The following GATAD2A variants were observed in gnomAD, a reference collection of about 807,000 sequenced individuals.
GATAD2A encodes transcriptional repressor p66-alpha.
In GATAD2A, 12 loss-of-function variants were observed where a neutral mutation model predicts 68.5. The observed-to-expected ratio is 0.18, with a 90% CI of 0.11 to 0.28. The LOEUF (loss-of-function observed/expected upper bound fraction) is 0.28. Among genes scored for constraint, GATAD2A ranks in the 10% least tolerant of loss-of-function variants. The probability of loss-of-function intolerance (pLI) is 1.00; values close to 1 mark genes in which losing one functional copy is unlikely to be tolerated. For synonymous variants in GATAD2A, 410 were observed against 375.3 expected, an observed-to-expected ratio of 1.09 and a Z score of -1.07; for missense variants, 755 against 868.5, an observed-to-expected ratio of 0.87 and a Z score of 1.64.
At chr19:19,423,621 G>A (rs930437192) in intron 1 of GATAD2A, among the ~76,000 whole-genome samples, 1 of 152,216 alleles carries the variant, frequency 6.6e-6, no homozygotes, top group African/African-American at 2.4e-5. Context: ...AGAATTTACC[G>A]AATTGACTGT....
intron 1 of GATAD2A, among the ~76,000 whole-genome samples, chr19:19,451,040 T>C (rs999026398): frequency 6.6e-6 from 1 of 151,166 alleles, no homozygotes; most frequent in African/African-American, 2.4e-5. Flanking sequence ...AAAATGCTGA[T>C]ATTATAGGCG....
At chr19:19,500,077 G>C (rs1322927748) in intron 8 of GATAD2A, among the ~76,000 whole-genome samples, 1 of 152,248 alleles carries the variant, frequency 6.6e-6, no homozygotes, top group African/African-American at 2.4e-5. Context: ...GTCTGTCTCT[G>C]CCGTTCCCTC....
intron 1 of GATAD2A, among the ~76,000 whole-genome samples, chr19:19,416,496 G>C (rs1197098912): frequency 1.3e-5 from 2 of 152,312 alleles, no homozygotes; most frequent in Non-Finnish European, 2.9e-5. Context: ...TTACTTTCCA[G>C]AGATGAGATC....
chr19:19,411,865 TATA>T (rs2147122577), intron 1 of GATAD2A, among the ~76,000 whole-genome samples: 1 of 152,310 alleles, frequency 6.6e-6, no homozygotes, highest in Admixed American at 6.5e-5. Context: ...AGTTATCACA[TATA>T]ATGTAACACT....
At chr19:19,419,015 C>T (rs1339293558) in intron 1 of GATAD2A, among the ~76,000 whole-genome samples, 2 of 152,118 alleles carry the variant, frequency 1.3e-5, no homozygotes, top group African/African-American at 4.8e-5. Context: ...CAAAAGGCCT[C>T]CTAGCTGGGC....
chr19:19,432,273 C>T (rs1456330818), intron 1 of GATAD2A, among the ~76,000 whole-genome samples: 1 of 152,072 alleles, frequency 6.6e-6, no homozygotes, highest in African/African-American at 2.4e-5. Flanking sequence ...CTGTGCTTGA[C>T]AGTGGTTTTT....
chr19:19,502,603 C>T (rs1319930546), intron 11 of GATAD2A, 77 bp downstream of exon 11: 6 of 1,177,574 alleles, frequency 5.1e-6, no homozygotes, highest in African/African-American at 4.6e-5. Flanking sequence ...AACAGAGGCA[C>T]ATGTGCAGCG....
intron 1 of GATAD2A, among the ~76,000 whole-genome samples, chr19:19,411,251 G>A (rs925116017): frequency 1.7e-4 from 26 of 152,318 alleles, no homozygotes; most frequent in Admixed American, 1.6e-3. Context: ...GATTTCAGAC[G>A]TTGTCTATTT....
intron 11 of GATAD2A, among the ~76,000 whole-genome samples, chr19:19,503,779 C>T (rs1044219535): frequency 1.3e-5 from 2 of 152,030 alleles, no homozygotes; most frequent in South Asian, 2.1e-4. Flanking sequence ...AGAGTTACCA[C>T]GGGGGTTTTG....
In GATAD2A at chr19:19,505,550, A is replaced by C. The variant is rs1217434042; in HGVS notation, c.*76A>C. The stretch of plus-strand genomic sequence containing the variant: ...CTGGTCTAGAAGGACCCACTGCACC[A>C]CCCTCCGCTGGCTCGGGAAGACACC... On this transcript the variant is annotated 3_prime_UTR_variant, in exon 12 of 12. Transcript: ENST00000683918. The C allele has an allele frequency of 1.2e-5, 16 of 1,320,812 alleles. No individual in the cohort carries two copies. The highest frequency in any genetic ancestry group is 3.9e-4 in the Middle Eastern group (2 of 5,148). 81.8% of individuals were successfully genotyped at this position (1,320,812 alleles called of 1,614,324 possible).
intron 1 of GATAD2A, among the ~76,000 whole-genome samples, chr19:19,397,986 C>A (rs1482959265): frequency 6.6e-6 from 1 of 152,110 alleles, no homozygotes; most frequent in East Asian, 1.9e-4. Context: ...TCACCACAAC[C>A]TTCGCCTTCT....
intron 2 of GATAD2A, among the ~76,000 whole-genome samples, chr19:19,491,037 C>T (rs2059759985): frequency 6.6e-6 from 1 of 152,196 alleles, no homozygotes; most frequent in African/African-American, 2.4e-5. Context: ...AGCCTTGCGC[C>T]TTCAGTAGTG....
intron 9 of GATAD2A, among the ~76,000 whole-genome samples, chr19:19,501,631 A>G (rs1294314236): frequency 6.6e-6 from 1 of 152,250 alleles, no homozygotes; most frequent in Admixed American, 6.5e-5. Context: ...CTTGTCTTCA[A>G]GGTCTTTTCT....
intron 1 of GATAD2A, among the ~76,000 whole-genome samples, chr19:19,441,538 A>G (rs1002249354): frequency 2.6e-5 from 4 of 151,706 alleles, no homozygotes; most frequent in African/African-American, 4.8e-5. Context: ...ATGTCCAGCA[A>G]ATTTTTAAAT....
At chr19:19,397,432 T>C (rs969419920) in intron 1 of GATAD2A, among the ~76,000 whole-genome samples, 19 of 151,800 alleles carry the variant, frequency 1.3e-4, no homozygotes, top group African/African-American at 4.1e-4. Context: ...TCCATGATGG[T>C]CAGGCTGGTC....
intron 7 of GATAD2A, 115 bp downstream of exon 7, chr19:19,496,334 G>A: frequency 1.0e-6 from 1 of 975,754 alleles, no homozygotes; most frequent in Non-Finnish European, 1.6e-6. Context: ...GGCATGACCT[G>A]CCTTGCTCTT....
chr19:19,425,598 T>C (rs2052980589), intron 1 of GATAD2A, among the ~76,000 whole-genome samples: 1 of 152,118 alleles, frequency 6.6e-6, no homozygotes, highest in Non-Finnish European at 1.5e-5. Flanking sequence ...AAATGCCCGC[T>C]CTCTTGTTCC....
At chr19:19,416,107 C>T (rs1256613019) in intron 1 of GATAD2A, among the ~76,000 whole-genome samples, 2 of 152,062 alleles carry the variant, frequency 1.3e-5, no homozygotes, top group Non-Finnish European at 2.9e-5. Context: ...TACAGGTCCC[C>T]ATCTATTATA....
intron 2 of GATAD2A, among the ~76,000 whole-genome samples, chr19:19,481,169 G>A (rs186164738): frequency 2.0e-5 from 3 of 152,052 alleles, no homozygotes; most frequent in Non-Finnish European, 4.4e-5. Flanking sequence ...AGCATCAGGA[G>A]GGGTGCTGCG....
Sources: allele counts gnomAD v4.1 joint callset (sites outside exome capture counted in the v4.1 genomes callset), GRCh38; gene constraint gnomAD v4.1.1; transcripts MANE v1.5; gene names NCBI Gene and HGNC (gene_info 2026-07-23, HGNC 2026-07-21).